The following SLC16A12 variants were observed in gnomAD, a reference collection of about 807,000 sequenced individuals.
SLC16A12 encodes the protein monocarboxylate transporter 12.
Under a neutral mutation model 42.4 loss-of-function variants are expected in SLC16A12, and 17 were observed. The observed-to-expected ratio is 0.40, with a 90% CI of 0.27 to 0.60. The LOEUF (loss-of-function observed/expected upper bound fraction) is 0.60, where lower values mean the gene tolerates loss of function less well. Among genes scored for constraint, SLC16A12 ranks in the 20% least tolerant of loss-of-function variants. SLC16A12 has a pLI of 0.42. For synonymous variants in SLC16A12, 224 were observed against 229.4 expected, an observed-to-expected ratio of 0.98 and a Z score of 0.21; for missense variants, 544 against 623.0, an observed-to-expected ratio of 0.87 and a Z score of 1.35.
chr10:89,443,673 A>G (rs1414487840), intron 4 of SLC16A12, 83 bp downstream of exon 4: 4 of 994,016 alleles, frequency 4.0e-6, no homozygotes, highest in Non-Finnish European at 6.4e-6. Flanking sequence ...TAGGAAAACT[A>G]GTAATCAAAG....
At chr10:89,435,942 C>T in intron 7 of SLC16A12, 118 bp downstream of exon 7, 3 of 1,449,040 alleles carry the variant, frequency 2.1e-6, no homozygotes, top group African/African-American at 1.4e-5. Context: ...TCCCTTTTCT[C>T]TTTCACTCTT....
At chr10:89,468,251 AAG>A (rs1162770106) in intron 2 of SLC16A12, 3 of 152,240 alleles carry the variant, frequency 2.0e-5, no homozygotes, top group Non-Finnish European at 2.9e-5. Context: ...GGTGGGGAGA[AAG>A]AGCCTCTCTG....
chr10:89,436,119 G>A lies in SLC16A12; in HGVS notation c.1229C>T (p.Ala410Val), dbSNP rs1371673193. ...GTGAAGGAAGTATACCACACCAAGCGCTGATGACAAAGAGGTGGTCCCCAC... is the reference window on the plus strand; with the variant it reads ...GTGAAGGAAGTATACCACACCAAGCACTGATGACAAAGAGGTGGTCCCCAC... ...EIVGTTSLSS[A>V]LGVVYFLHAV... Residue 410 changes from alanine (A) to valine (V), a missense_variant, in exon 7 of 8, where the codon GCG becomes GTG. Coordinates refer to ENST00000371790, the MANE Select transcript of SLC16A12 (RefSeq NM_213606.4). The A allele has an allele frequency of 5.6e-6, 9 of 1,613,866 alleles. No individual in the cohort carries two copies. The highest frequency in any genetic ancestry group is 2.2e-5 in the East Asian group (1 of 44,892).
At chr10:89,537,935 T>C (rs1344509700), upstream of SLC16A12, among the ~76,000 whole-genome samples, 1 of 152,244 alleles carries the variant, frequency 6.6e-6, no homozygotes, top group Admixed American at 6.5e-5. Flanking sequence ...GGCAGGATGA[T>C]TTTCATCCTT....
At chr10:89,498,960 G>A (rs945978322) in intron 2 of SLC16A12, among the ~76,000 whole-genome samples, 3 of 152,102 alleles carry the variant, frequency 2.0e-5, no homozygotes, top group African/African-American at 7.2e-5. Flanking sequence ...ACACCCCATG[G>A]GGCAAAAGAA....
At chr10:89,436,860 A>AAG (rs1841798263) in intron 6 of SLC16A12, among the ~76,000 whole-genome samples, 2 of 119,238 alleles carry the variant, frequency 1.7e-5, no homozygotes, top group African/African-American at 5.8e-5. Flanking sequence ...AAAAGAAAGA[A>AAG]ATAAAGAAAA....
intron 1 of SLC16A12, among the ~76,000 whole-genome samples, chr10:89,556,353 ATATCTC>A (rs751320759): frequency 2.2e-4 from 34 of 152,188 alleles, no homozygotes; most frequent in African/African-American, 8.2e-4. Context: ...ATTATTATAC[ATATCTC>A]TATCTCTATC....
At chr10:89,544,566 T>C (rs1843732390) in intron 2 of SLC16A12, among the ~76,000 whole-genome samples, 1 of 152,250 alleles carries the variant, frequency 6.6e-6, no homozygotes, top group African/African-American at 2.4e-5. Flanking sequence ...TTTCTCCAAA[T>C]TAAATTTAAA....
At chr10:89,449,647 T>TA (rs1399608338) in intron 3 of SLC16A12, among the ~76,000 whole-genome samples, 4 of 152,104 alleles carry the variant, frequency 2.6e-5, no homozygotes, top group Admixed American at 2.6e-4. Flanking sequence ...CCTAAAACCA[T>TA]AAAAACCCTA....
At chr10:89,486,603 A>AAAAGAAAG (rs141642264) in intron 2 of SLC16A12, among the ~76,000 whole-genome samples, 1,054 of 70,346 alleles carry the variant, frequency 0.015, 16 homozygotes, top group Non-Finnish European at 0.019. Flanking sequence ...AAAAAAAAAA[A>AAAAGAAAG]AAAGAAAGAA....
At chr10:89,465,191 T>A (rs303162) in intron 2 of SLC16A12, among the ~76,000 whole-genome samples, 19,003 of 152,228 alleles carry the variant, frequency 0.12, 1,326 homozygotes, top group Non-Finnish European at 0.16. Flanking sequence ...AAGATACCTT[T>A]AGATAATGAA....
rs770274570 is a variant in SLC16A12 at position 89,487,995 on chromosome 10, T to TATATATATAC, written c.-46-25372_-46-25371insGTATATATAT. Among the ~76,000 whole-genome samples, 375 of 122,866 alleles carry TATATATATAC rather than the reference T, an allele frequency of 3.1e-3. 1 individual carries two copies. Among genetic ancestry groups the TATATATATAC allele is most frequent in the East Asian group, 0.026 (99 of 3,782 alleles). 80.6% of individuals were successfully genotyped at this position (122,866 alleles called of 152,430 possible). On this transcript the variant is annotated intron_variant, in intron 2 of 7. Transcript: ENST00000371790. ...ATATATATATATATATATATATATATACACACACACATTTATTATACCATA... is the reference window on the plus strand; with the variant it reads ...ATATATATATATATATATATATATATATATATATACACACACACACATTTATTATACCATA...
chr10:89,457,348 C>T (rs1842212185), intron 3 of SLC16A12, among the ~76,000 whole-genome samples: 1 of 152,174 alleles, frequency 6.6e-6, no homozygotes, highest in African/African-American at 2.4e-5. Flanking sequence ...GAAAAGAAGA[C>T]ATTTATGCAA....
intron 2 of SLC16A12, among the ~76,000 whole-genome samples, chr10:89,524,078 A>G (rs1245925290): frequency 6.6e-6 from 1 of 152,182 alleles, no homozygotes; most frequent in East Asian, 1.9e-4. Flanking sequence ...TCTTGCCCAG[A>G]ATATCAAACT....
At chr10:89,451,107 G>A (rs1345916265) in intron 3 of SLC16A12, among the ~76,000 whole-genome samples, 2 of 152,158 alleles carry the variant, frequency 1.3e-5, no homozygotes, top group Non-Finnish European at 1.5e-5. Context: ...ATAACAGTAG[G>A]GAAGAAATCA....
At chr10:89,497,400 G>GCA (rs1842935626) in intron 2 of SLC16A12, among the ~76,000 whole-genome samples, 1 of 152,168 alleles carries the variant, frequency 6.6e-6, no homozygotes, top group African/African-American at 2.4e-5. Flanking sequence ...AAACAAAAAT[G>GCA]TATATGTTTT....
Position 89,433,223 on chromosome 10 carries a change from C to G in SLC16A12, c.1392G>C (p.Lys464Asn), listed in dbSNP as rs1841721297. 6.2e-7 allele frequency: 1 copy of G among 1,614,196 alleles called. No homozygotes were observed. The highest frequency in any genetic ancestry group is 8.5e-7 in the Non-Finnish European group (1 of 1,180,030). Residue 464 changes from lysine to asparagine, a missense_variant, in exon 8 of 8, where the codon AAG becomes AAC. Physicochemically the swap from Lys to Asn is moderately conservative, Grantham distance 94 (BLOSUM62 0). Coordinates refer to ENST00000371790, the MANE Select transcript of SLC16A12 (RefSeq NM_213606.4). Reference sequence around the variant, plus strand: ...ACTGCAACTGGGTTTTTCTCATTCTCTTTATAAGTCTAGCAAAGCCAAGCA... The same window carrying G: ...ACTGCAACTGGGTTTTTCTCATTCTGTTTATAAGTCTAGCAAAGCCAAGCA... ...SVLLGFARLI[K>N]RMRKTQLQFI... is the part of the protein sequence containing the mutation.
intron 2 of SLC16A12, among the ~76,000 whole-genome samples, chr10:89,471,497 G>A (rs906292137): frequency 7.9e-5 from 12 of 152,146 alleles, no homozygotes; most frequent in African/African-American, 4.8e-5. Context: ...ATATTACTAT[G>A]TGTTATGGAT....
intron 2 of SLC16A12, among the ~76,000 whole-genome samples, chr10:89,478,729 G>C (rs303199): frequency 0.23 from 35,226 of 152,122 alleles, 4,827 homozygotes; most frequent in Non-Finnish European, 0.32. Flanking sequence ...CCAAGTTACA[G>C]ACTCAAATTT....
Sources: gnomAD v4.1 joint callset for allele counts (sites outside exome capture counted in the v4.1 genomes callset) on GRCh38, gnomAD v4.1.1 for gene constraint, MANE v1.5 for transcripts, NCBI Gene and HGNC (gene_info 2026-07-23, HGNC 2026-07-21) for gene names.